DPP10: variants seen among roughly 807,000 people sequenced by gnomAD.
The protein encoded by DPP10 is inactive dipeptidyl peptidase 10.
Under a neutral mutation model 120.9 loss-of-function variants are expected in DPP10, and 33 were observed. The ratio of observed to expected loss-of-function variants is 0.27; its 90% confidence interval spans 0.21 to 0.37. The LOEUF (loss-of-function observed/expected upper bound fraction) is 0.37, where lower values mean the gene tolerates loss of function less well. Ranked by LOEUF, DPP10 falls within the 10% of genes least tolerant of loss-of-function variation. DPP10 has a pLI of 1.00. For missense variants in DPP10, 816 were observed against 942.8 expected (o/e 0.87, Z 1.76); for synonymous variants, 337 against 326.1 (o/e 1.03, Z -0.36).
chr2:114,660,751 G>T (rs1281304436), intron 1 of DPP10, among the ~76,000 whole-genome samples: 2 of 152,100 alleles, frequency 1.3e-5, no homozygotes, highest in African/African-American at 4.8e-5. Flanking sequence ...CCAAATAATA[G>T]AACTAGAATT....
At position 115,149,326 on chromosome 2, in the gene DPP10, T is replaced by A. The variant is rs147644004; in HGVS notation, c.61-159913T>A. Among the ~76,000 whole-genome samples, 170 of 152,362 alleles carry A rather than the reference T, an allele frequency of 1.1e-3. 4 individuals carry two copies. In the East Asian group the frequency reaches 0.026, roughly 23 times the overall value. On this transcript the variant is annotated intron_variant, in intron 1 of 25. Coordinates refer to ENST00000410059, the MANE Select transcript of DPP10 (RefSeq NM_020868.6). ...ACACATTAGCTCAAATAATTTCATA[T>A]GTAAGGTAATTCTTCCTTTCACCTA...
chr2:114,900,894 GA>G (rs1364564724), intron 1 of DPP10, among the ~76,000 whole-genome samples: 4 of 152,036 alleles, frequency 2.6e-5, no homozygotes, highest in African/African-American at 4.8e-5. Flanking sequence ...TGCATATTAT[GA>G]AAAAAACTAT....
At chr2:115,560,973 T>C (rs2149048539) in intron 5 of DPP10, among the ~76,000 whole-genome samples, 1 of 152,228 alleles carries the variant, frequency 6.6e-6, no homozygotes, top group African/African-American at 2.4e-5. Context: ...CAAATTTCAG[T>C]ATTCTGTTAT....
intron 1 of DPP10, among the ~76,000 whole-genome samples, chr2:115,284,674 G>T (rs559911734): frequency 1.5e-4 from 23 of 151,956 alleles, no homozygotes; most frequent in Non-Finnish European, 2.8e-4. Flanking sequence ...CTACTGAATT[G>T]GGTGCAGTGA....
intron 1 of DPP10, among the ~76,000 whole-genome samples, chr2:115,133,761 A>T (rs2050505219): frequency 6.6e-6 from 1 of 152,162 alleles, no homozygotes; most frequent in South Asian, 2.1e-4. Context: ...ACCATTTTGG[A>T]CGCAAATGAG....
chr2:115,677,308 C>T (rs2090341735), intron 5 of DPP10, among the ~76,000 whole-genome samples: 1 of 151,902 alleles, frequency 6.6e-6, no homozygotes, highest in Non-Finnish European at 1.5e-5. Flanking sequence ...CAAGTTAAAT[C>T]AATATAGAAA....
intron 1 of DPP10, among the ~76,000 whole-genome samples, chr2:115,132,089 A>G (rs2050391424): frequency 6.6e-6 from 1 of 151,904 alleles, no homozygotes; most frequent in Admixed American, 6.6e-5. Context: ...CGCCATCTCA[A>G]AATAATAATA....
chr2:115,621,474 G>A (rs2084936505), intron 5 of DPP10, among the ~76,000 whole-genome samples: 1 of 152,014 alleles, frequency 6.6e-6, no homozygotes, highest in Non-Finnish European at 1.5e-5. Flanking sequence ...TTAATTTTAT[G>A]GATTGTTTTT....
At chr2:115,346,812 G>A (rs1385577207) in intron 3 of DPP10, among the ~76,000 whole-genome samples, 1 of 152,060 alleles carries the variant, frequency 6.6e-6, no homozygotes, top group African/African-American at 2.4e-5. Context: ...GAAAACTGAG[G>A]CTTAACTCAG....
At chr2:115,610,647 T>C (rs1377145045) in intron 5 of DPP10, among the ~76,000 whole-genome samples, 2 of 152,178 alleles carry the variant, frequency 1.3e-5, no homozygotes, top group Non-Finnish European at 2.9e-5. Flanking sequence ...TCTGGGACCT[T>C]CTTTTCCTGA....
chr2:115,295,916 A>G (rs1258272854), intron 1 of DPP10, among the ~76,000 whole-genome samples: 1 of 152,156 alleles, frequency 6.6e-6, no homozygotes, highest in Non-Finnish European at 1.5e-5. Context: ...TTGATTTTCA[A>G]AGAAGTTTAT....
At chr2:114,532,087 T>A (rs1289483069) in intron 1 of DPP10, among the ~76,000 whole-genome samples, 4 of 151,464 alleles carry the variant, frequency 2.6e-5, no homozygotes, top group African/African-American at 7.3e-5. Context: ...AGTTCTCAGG[T>A]TTTTAGACTC....
chr2:114,549,030 A>G (rs1687650552), intron 1 of DPP10, among the ~76,000 whole-genome samples: 1 of 152,192 alleles, frequency 6.6e-6, no homozygotes, highest in Non-Finnish European at 1.5e-5. Flanking sequence ...TATCATATTT[A>G]ATTTTCTTAC....
intron 1 of DPP10, among the ~76,000 whole-genome samples, chr2:115,155,219 C>T (rs2051828665): frequency 6.6e-6 from 1 of 152,068 alleles, no homozygotes; most frequent in Admixed American, 6.5e-5. Flanking sequence ...TACATTTGCA[C>T]CAACCTAATA....
intron 1 of DPP10, among the ~76,000 whole-genome samples, chr2:114,746,783 C>T (rs957597097): frequency 4.6e-5 from 7 of 152,230 alleles, no homozygotes; most frequent in Admixed American, 2.6e-4. Flanking sequence ...TTTCCAATGA[C>T]AAAATGGAAA....
chr2:115,776,845 A>G (rs1389545715), intron 13 of DPP10, among the ~76,000 whole-genome samples: 1 of 121,128 alleles, frequency 8.3e-6, no homozygotes, highest in Non-Finnish European at 1.8e-5. Context: ...TTATTGGAGT[A>G]AAGTTTGTTC....
At chr2:115,180,310 C>T (rs2053989276) in intron 1 of DPP10, among the ~76,000 whole-genome samples, 1 of 152,026 alleles carries the variant, frequency 6.6e-6, no homozygotes, top group Non-Finnish European at 1.5e-5. Context: ...GAAATGTTAC[C>T]AGGCAGATTC....
intron 19 of DPP10, among the ~76,000 whole-genome samples, chr2:115,801,289 T>C (rs1685206787): frequency 6.6e-6 from 1 of 152,248 alleles, no homozygotes; most frequent in African/African-American, 2.4e-5. Flanking sequence ...TGATTTTGTA[T>C]GCTGAGACTT....
At chr2:114,706,389 C>T (rs538547762) in intron 1 of DPP10, among the ~76,000 whole-genome samples, 4 of 152,214 alleles carry the variant, frequency 2.6e-5, no homozygotes, top group Admixed American at 2.6e-4. Flanking sequence ...AGCCAGAATT[C>T]AAAAATAAAG....
Sources: allele counts gnomAD v4.1 joint callset (sites outside exome capture counted in the v4.1 genomes callset), GRCh38; gene constraint gnomAD v4.1.1; transcripts MANE v1.5; gene names NCBI Gene and HGNC (gene_info 2026-07-23, HGNC 2026-07-21).